The following ETV1 variants were observed in gnomAD, a reference collection of about 807,000 sequenced individuals.
The protein encoded by ETV1 is ETS translocation variant 1.
A neutral mutation model predicts 62.3 loss-of-function variants in ETV1; 27 were observed. The ratio of observed to expected loss-of-function variants is 0.43; its 90% CI spans 0.32 to 0.60. The LOEUF (loss-of-function observed/expected upper bound fraction) is 0.60, where lower values mean the gene tolerates loss of function less well. Ranked by LOEUF, ETV1 falls within the 20% of genes least tolerant of loss-of-function variation. The probability of loss-of-function intolerance (pLI) is 0.06; values close to 1 mark genes in which losing one functional copy is unlikely to be tolerated. For synonymous variants in ETV1, 222 were observed against 199.6 expected, an observed-to-expected ratio of 1.11 and a Z score of -0.94; for missense variants, 605 against 605.8, an observed-to-expected ratio of 1.00 and a Z score of 0.01.
chr7:13,913,219 G>T (rs1583602482), intron 9 of ETV1, among the ~76,000 whole-genome samples: 1 of 152,140 alleles, frequency 6.6e-6, no homozygotes, highest in African/African-American at 2.4e-5. Context: ...TTCAACAACC[G>T]TAACAAGCTG....
At position 13,988,919 on chromosome 7, in the gene ETV1, C is replaced by T. The variant is rs111493371; in HGVS notation, c.45+89G>A. ...CAGATAAGTATCTGCAATCCCAACC[C>T]CCGTGCCCCCTCCCTTCTCATTTTC... On this transcript the variant is annotated intron_variant, in intron 3 of 13. Coordinates refer to ENST00000430479, the MANE Select transcript of ETV1 (RefSeq NM_004956.5). 1.2e-3 allele frequency: 1,808 copies of T among 1,479,164 alleles called. 21 individuals are homozygous for T. The African/African-American group carries it at 0.022, about 18-fold the overall frequency. 91.6% of individuals were successfully genotyped at this position (1,479,164 alleles called of 1,614,324 possible).
chr7:13,927,664 G>A (rs1344597675), intron 9 of ETV1, among the ~76,000 whole-genome samples: 3 of 152,182 alleles, frequency 2.0e-5, no homozygotes, highest in Admixed American at 6.5e-5. Context: ...AAATATCTAC[G>A]AATCATATTT....
At position 13,935,784 on chromosome 7, in the gene ETV1, T is replaced by C. The variant is rs751704054; in HGVS notation, c.478A>G (p.Lys160Glu). 1 of 1,613,876 alleles carries C rather than the reference T, an allele frequency of 6.2e-7. No individual in the cohort carries two copies. The highest frequency in any genetic ancestry group is 1.1e-5 in the South Asian group (1 of 91,074). ...TGAGCTGGGAAGGCCCGGTCAGGTT[T>C]CGGTGTATGAGTTGAGTTTGGAGAT... is the stretch of plus-strand genomic sequence containing the variant. The part of the protein sequence containing the change: ...HASPNSTHTP[K>E]PDRAFPAHLP... The change falls in exon 8 of 14, where the codon AAA becomes GAA. Residue 160 changes from lysine (K) to glutamate (E), a missense_variant. This residue lies in a region of ETV1 where 426 missense variants were observed against 377.8 expected (regional missense o/e 1.13). Coordinates refer to ENST00000430479, the MANE Select transcript of ETV1 (RefSeq NM_004956.5).
chr7:13,978,600 C>T (rs1176377953), intron 5 of ETV1, among the ~76,000 whole-genome samples: 2 of 151,792 alleles, frequency 1.3e-5, no homozygotes, highest in East Asian at 1.9e-4. Flanking sequence ...CTTAAATGAG[C>T]CTATTCTGCA....
At position 13,949,075 on chromosome 7, in the gene ETV1, A is replaced by G. The variant is rs369655546; in HGVS notation, c.236-9829T>C. ...CATGGAGAATTTTTTGCACCTGTCT[A>G]AAAAATATAACTGAAAAAGTCAAAA... is the stretch of plus-strand genomic sequence containing the variant. On this transcript the variant is annotated intron_variant, in intron 6 of 13. Coordinates refer to ENST00000430479, the MANE Select transcript of ETV1 (RefSeq NM_004956.5). Among the ~76,000 whole-genome samples the G allele has an allele frequency of 2.1e-4, 32 of 152,316 alleles. No homozygotes were observed. In the East Asian group the frequency reaches 6.2e-3, roughly 29 times the overall value.
intron 6 of ETV1, among the ~76,000 whole-genome samples, chr7:13,942,954 T>C (rs556305913): frequency 3.9e-5 from 6 of 152,002 alleles, no homozygotes; most frequent in Admixed American, 3.9e-4. Flanking sequence ...CAAAAAGCAC[T>C]AACCATAAAA....
At chr7:13,950,063 A>G (rs564495340) in intron 6 of ETV1, among the ~76,000 whole-genome samples, 2 of 152,262 alleles carry the variant, frequency 1.3e-5, no homozygotes, top group South Asian at 4.1e-4. Flanking sequence ...TAGGAACATC[A>G]GGGTTTTTAA....
intron 12 of ETV1, among the ~76,000 whole-genome samples, chr7:13,902,003 G>T (rs952765909): frequency 6.6e-6 from 1 of 152,070 alleles, no homozygotes; most frequent in Non-Finnish European, 1.5e-5. Flanking sequence ...GCTAGCCAAA[G>T]CAGTATACAG....
intron 9 of ETV1, among the ~76,000 whole-genome samples, chr7:13,928,505 T>A (rs1785699935): frequency 1.3e-5 from 2 of 151,962 alleles, no homozygotes; most frequent in South Asian, 4.1e-4. Context: ...TCCCAGCTAC[T>A]CCGGAGGCTG....
At chr7:13,945,272 G>A (rs1053563187) in intron 6 of ETV1, among the ~76,000 whole-genome samples, 3 of 152,108 alleles carry the variant, frequency 2.0e-5, no homozygotes, top group African/African-American at 7.2e-5. Flanking sequence ...AATAGGTCCA[G>A]TAGTTGAAAA....
chr7:13,892,417 A>C lies in ETV1; in HGVS notation c.*3449T>G, dbSNP rs1012359092. 1.3e-5 allele frequency: 3 copies of C among 232,660 alleles called. No homozygotes were observed. The highest frequency in any genetic ancestry group is 6.6e-5 in the African/African-American group (3 of 45,290). 14.4% of individuals were successfully genotyped at this position (232,660 alleles called of 1,614,324 possible). On this transcript the variant is annotated 3_prime_UTR_variant, in exon 14 of 14. Transcript: ENST00000430479. The stretch of plus-strand genomic sequence containing the variant: ...ATGCAGAATAAGGGGAAAATATCTC[A>C]GTGGTAAATAAAAGCAAACTCTAGT...
chr7:13,963,442 A>T (rs551275418), intron 6 of ETV1, among the ~76,000 whole-genome samples: 1 of 151,974 alleles, frequency 6.6e-6, no homozygotes, highest in Non-Finnish European at 1.5e-5. Context: ...CCAATTTTGT[A>T]ATCACAAAAT....
rs1781494017 is a variant in ETV1, at chr7:13,893,156, C to CA, written c.*2709dup. The CA allele has an allele frequency of 4.3e-6, 1 of 232,378 alleles. No homozygotes were observed. Among genetic ancestry groups the CA allele is most frequent in the African/African-American group, 2.2e-5 (1 of 45,282 alleles). The allele number at this position is 232,378 out of a possible 1,614,324, so 14.4% of individuals were successfully genotyped here. A position where few individuals can be genotyped will look rare whatever the true frequency, so the allele number is the denominator to read the frequency against. On this transcript the variant is annotated 3_prime_UTR_variant, in exon 14 of 14. Coordinates refer to ENST00000430479, the MANE Select transcript of ETV1 (RefSeq NM_004956.5). Reference sequence around the variant, plus strand: ...CTATTGGGTATTAACATGTCATCATCAAGAGACAGCAAACAGCAGTGAAGA... The same window carrying CA: ...CTATTGGGTATTAACATGTCATCATCAAAGAGACAGCAAACAGCAGTGAAGA...
chr7:13,916,965 G>T (rs1488618793), intron 9 of ETV1, among the ~76,000 whole-genome samples: 1 of 150,834 alleles, frequency 6.6e-6, no homozygotes, highest in Non-Finnish European at 1.5e-5. Context: ...AGTAAAGAAA[G>T]AAAAAGTAAA....
In ETV1 at chr7:13,952,304, G is replaced by A. The variant is rs138246811; in HGVS notation, c.236-13058C>T. Among the ~76,000 whole-genome samples, 139 of 152,262 alleles carry A rather than the reference G, an allele frequency of 9.1e-4. 2 individuals are homozygous for A. The highest frequency in any genetic ancestry group is 2.0e-3 in the Admixed American group (31 of 15,272). ...TATAGCTCTAAAATGTAATGCCTGC[G>A]TGTAAGTGCCTGCTTACTTACTGAT... On this transcript the variant is annotated intron_variant, in intron 6 of 13. Coordinates refer to ENST00000430479, the MANE Select transcript of ETV1 (RefSeq NM_004956.5).
rs568306429 is a variant in ETV1 at position 13,931,236 on chromosome 7, G to A, written c.802+266C>T. Reference sequence around the variant, plus strand: ...GAAAAAAAATTGCAATGTCCCTCTCGAGCTGAGACTGTGCATAATTCTGTA... The same window carrying A: ...GAAAAAAAATTGCAATGTCCCTCTCAAGCTGAGACTGTGCATAATTCTGTA... On this transcript the variant is annotated intron_variant, in intron 9 of 13. Coordinates refer to ENST00000430479, the MANE Select transcript of ETV1 (RefSeq NM_004956.5). Among the ~76,000 whole-genome samples, 156 of 152,268 alleles carry A rather than the reference G, an allele frequency of 1.0e-3. 1 individual carries two copies. Among genetic ancestry groups the A allele is most frequent in the South Asian group, 3.5e-3 (17 of 4,828 alleles).
At chr7:13,986,395 A>C in intron 5 of ETV1, 1 of 1,485,528 alleles carries the variant, frequency 6.7e-7, no homozygotes, top group South Asian at 1.4e-5. Flanking sequence ...AGTTCTTGCC[A>C]AAAGCAGATG....
intron 7 of ETV1, among the ~76,000 whole-genome samples, chr7:13,937,432 G>A (rs149787893): frequency 6.6e-6 from 1 of 152,028 alleles, no homozygotes; most frequent in Non-Finnish European, 1.5e-5. Context: ...AGCGATGGAA[G>A]TACCAGAATT....
intron 6 of ETV1, among the ~76,000 whole-genome samples, chr7:13,974,198 G>A (rs1010110678): frequency 1.3e-5 from 2 of 152,088 alleles, no homozygotes; most frequent in African/African-American, 2.4e-5. Flanking sequence ...GAAATAGGAG[G>A]TTCACCAGAT....
Sources: allele counts gnomAD v4.1 joint callset (sites outside exome capture counted in the v4.1 genomes callset), GRCh38; gene constraint gnomAD v4.1.1; regional missense constraint gnomAD v4.1.1; transcripts MANE v1.5; gene names NCBI Gene and HGNC (gene_info 2026-07-23, HGNC 2026-07-21).